GOLIM4: variants seen among roughly 807,000 people sequenced by gnomAD.
The protein encoded by GOLIM4 is golgi integral membrane protein 4.
GOLIM4 carries 71 observed loss-of-function variants against 107.4 expected under a neutral mutation model. The ratio of observed to expected loss-of-function variants is 0.66; its 90% CI spans 0.55 to 0.81. The LOEUF (loss-of-function observed/expected upper bound fraction) is 0.81. Ranked by LOEUF, GOLIM4 falls within the 30% of genes least tolerant of loss-of-function variation. GOLIM4 has a pLI of 0.00. For synonymous variants in GOLIM4, 327 were observed against 294.8 expected, an observed-to-expected ratio of 1.11 and a Z score of -1.12; for missense variants, 830 against 826.1, an observed-to-expected ratio of 1.00 and a Z score of -0.06.
chr3:168,051,984 A>C (rs1719674383), intron 1 of GOLIM4, among the ~76,000 whole-genome samples: 1 of 152,124 alleles, frequency 6.6e-6, no homozygotes, highest in Non-Finnish European at 1.5e-5. Context: ...AAAATCTAGA[A>C]AGAAGAGGAG....
chr3:168,037,846 C>T (rs1718750301), intron 7 of GOLIM4, among the ~76,000 whole-genome samples: 2 of 152,252 alleles, frequency 1.3e-5, no homozygotes, highest in Non-Finnish European at 1.5e-5. Context: ...TCATTCTATA[C>T]ACCAACACTG....
chr3:168,012,914 G>A (rs528843246), intron 14 of GOLIM4, among the ~76,000 whole-genome samples: 41 of 151,586 alleles, frequency 2.7e-4, no homozygotes, highest in East Asian at 2.1e-3. Flanking sequence ...AGGAACAACC[G>A]GAACCAGCCA....
At chr3:168,043,900 T>C (rs1265789525) in intron 4 of GOLIM4, among the ~76,000 whole-genome samples, 1 of 152,246 alleles carries the variant, frequency 6.6e-6, no homozygotes, top group East Asian at 1.9e-4. Context: ...GATCTGATGT[T>C]TTCCCAGCAA....
intron 1 of GOLIM4, among the ~76,000 whole-genome samples, chr3:168,052,670 T>C (rs1577543350): frequency 6.6e-6 from 1 of 152,176 alleles, no homozygotes; most frequent in African/African-American, 2.4e-5. Context: ...TTCTTTCTTT[T>C]ACCATGCATT....
At chr3:168,020,049 T>C (rs1174474303) in intron 14 of GOLIM4, among the ~76,000 whole-genome samples, 2 of 152,206 alleles carry the variant, frequency 1.3e-5, no homozygotes, top group Non-Finnish European at 2.9e-5. Context: ...TTACTGTGCA[T>C]GGTACACTTA....
intron 1 of GOLIM4, among the ~76,000 whole-genome samples, chr3:168,062,578 G>C (rs1350293235): frequency 6.6e-6 from 1 of 151,964 alleles, no homozygotes; most frequent in African/African-American, 2.4e-5. Flanking sequence ...GGTCATGTGG[G>C]GCTAATGTGT....
At chr3:168,068,889 C>T (rs1720693307) in intron 1 of GOLIM4, among the ~76,000 whole-genome samples, 1 of 150,188 alleles carries the variant, frequency 6.7e-6, no homozygotes, top group Non-Finnish European at 1.5e-5. Flanking sequence ...CAGGCTGAAG[C>T]TCAATGGCAC....
chr3:168,022,282 A>C (rs539375745), intron 14 of GOLIM4, among the ~76,000 whole-genome samples: 1 of 151,934 alleles, frequency 6.6e-6, no homozygotes, highest in Admixed American at 6.5e-5. Context: ...CAGGCCTTGC[A>C]TTCTAGTGGT....
intron 1 of GOLIM4, among the ~76,000 whole-genome samples, chr3:168,054,620 T>C (rs892346343): frequency 3.8e-4 from 58 of 150,940 alleles, no homozygotes; most frequent in Non-Finnish European, 1.2e-4. Flanking sequence ...TTAAACATAA[T>C]TTATTAATTA....
intron 1 of GOLIM4, among the ~76,000 whole-genome samples, chr3:168,057,003 T>C (rs756950392): frequency 6.6e-6 from 1 of 151,974 alleles, no homozygotes; most frequent in Non-Finnish European, 1.5e-5. Flanking sequence ...TTTGGCTGTG[T>C]CCCCCACCCA....
intron 1 of GOLIM4, among the ~76,000 whole-genome samples, chr3:168,076,322 G>T (rs1278700158): frequency 1.3e-5 from 2 of 152,190 alleles, no homozygotes; most frequent in Non-Finnish European, 2.9e-5. Context: ...TATCTGTGGG[G>T]CCATGCTCTA....
At chr3:168,021,643 G>C (rs1194190695) in intron 14 of GOLIM4, among the ~76,000 whole-genome samples, 1 of 151,948 alleles carries the variant, frequency 6.6e-6, no homozygotes, top group African/African-American at 2.4e-5. Flanking sequence ...TCCAGCCTGG[G>C]TGACAGTCAG....
intron 3 of GOLIM4, among the ~76,000 whole-genome samples, chr3:168,046,155 G>C (rs766704681): frequency 1.3e-5 from 2 of 152,114 alleles, no homozygotes; most frequent in African/African-American, 2.4e-5. Flanking sequence ...TTACAGATGT[G>C]AGCCAACTCA....
chr3:168,046,940 C>T lies in GOLIM4; in HGVS notation c.312+10G>A, dbSNP rs752133866. On this transcript the variant is annotated intron_variant, in intron 3 of 15. Coordinates refer to ENST00000470487, the MANE Select transcript of GOLIM4 (RefSeq NM_014498.5). ...AAACAAACAACCACAACAAAAAAAA[C>T]AAAACTTACCCTTCCTTTATTTAAT... 8 of 1,308,722 alleles carry T rather than the reference C, an allele frequency of 6.1e-6. No individual in the cohort carries two copies. In the East Asian group the frequency reaches 2.1e-4, roughly 34 times the overall value. 81.1% of individuals were successfully genotyped at this position (1,308,722 alleles called of 1,614,324 possible).
chr3:168,082,887 T>C lies in GOLIM4; in HGVS notation c.187+12212A>G, dbSNP rs538731844. On this transcript the variant is annotated intron_variant, in intron 1 of 15. Coordinates refer to ENST00000470487, the MANE Select transcript of GOLIM4 (RefSeq NM_014498.5). ...CTGACAAGAGCAGAACAATCTTTAA[T>C]TCTTGAATGAAATACAGCCTCAAAC... Among the ~76,000 whole-genome samples, 10 of 152,320 alleles carry C rather than the reference T, an allele frequency of 6.6e-5. No individual in the cohort carries two copies. In the East Asian group the frequency reaches 1.3e-3, roughly 21 times the overall value.
At chr3:168,025,584 G>A (rs1354568593) in intron 12 of GOLIM4, among the ~76,000 whole-genome samples, 1 of 152,056 alleles carries the variant, frequency 6.6e-6, no homozygotes, top group African/African-American at 2.4e-5. Context: ...TACCAGAAAG[G>A]ACCCATAAAA....
chr3:168,076,710 CAATCAAT>C (rs1721102021), intron 1 of GOLIM4, among the ~76,000 whole-genome samples: 1 of 151,414 alleles, frequency 6.6e-6, no homozygotes, highest in Non-Finnish European at 1.5e-5. Flanking sequence ...ATCAATCAAT[CAATCAAT>C]AAAATGGTTA....
chr3:168,061,585 G>A (rs1026921224), intron 1 of GOLIM4, among the ~76,000 whole-genome samples: 1 of 152,162 alleles, frequency 6.6e-6, no homozygotes, highest in Non-Finnish European at 1.5e-5. Flanking sequence ...GAACGGATAA[G>A]CTGTGGTTGT....
chr3:168,025,377 G>C (rs1400169411), intron 12 of GOLIM4, among the ~76,000 whole-genome samples: 1 of 152,180 alleles, frequency 6.6e-6, no homozygotes, highest in Non-Finnish European at 1.5e-5. Context: ...CACAAGTAAT[G>C]TGAACAGAAC....
Sources: gnomAD v4.1 joint callset for allele counts (sites outside exome capture counted in the v4.1 genomes callset) on GRCh38, gnomAD v4.1.1 for gene constraint, MANE v1.5 for transcripts, NCBI Gene and HGNC (gene_info 2026-07-23, HGNC 2026-07-21) for gene names.